Variants in TRPM3 observed in about 807,000 individuals in gnomAD.
The protein encoded by TRPM3 is transient receptor potential cation channel subfamily M member 3.
Under a neutral mutation model 181.2 loss-of-function variants are expected in TRPM3, and 77 were observed. The observed-to-expected ratio is 0.42, with a 90% CI of 0.35 to 0.51. The LOEUF (loss-of-function observed/expected upper bound fraction) is 0.51. Ranked by LOEUF, TRPM3 falls within the 20% of genes least tolerant of loss-of-function variation. The probability of loss-of-function intolerance (pLI) is 0.01; values close to 1 mark genes in which losing one functional copy is unlikely to be tolerated. For missense variants in TRPM3, 1,759 were observed against 2,196.7 expected (o/e 0.80, Z 3.98); for synonymous variants, 745 against 796.4 (o/e 0.94, Z 1.09).
chr9:71,181,476 C>T (rs1317250051), intron 1 of TRPM3, among the ~76,000 whole-genome samples: 1 of 151,058 alleles, frequency 6.6e-6, no homozygotes, highest in Non-Finnish European at 1.5e-5. Context: ...AAAAATAAAG[C>T]AGCAAATAGG....
chr9:70,796,670 A>G (rs2087118684), intron 6 of TRPM3, among the ~76,000 whole-genome samples: 1 of 152,258 alleles, frequency 6.6e-6, no homozygotes, highest in Non-Finnish European at 1.5e-5. Context: ...TAGCTTTTGA[A>G]GTTTTATCAC....
At chr9:71,143,196 T>C (rs1346393745) in intron 1 of TRPM3, among the ~76,000 whole-genome samples, 1 of 152,078 alleles carries the variant, frequency 6.6e-6, no homozygotes, top group Non-Finnish European at 1.5e-5. Flanking sequence ...TAAATATTTT[T>C]TCTTTTAACT....
chr9:70,857,444 A>T (rs10868916), intron 3 of TRPM3, among the ~76,000 whole-genome samples: 5 of 151,848 alleles, frequency 3.3e-5, no homozygotes, highest in African/African-American at 1.2e-4. Context: ...GTTTACGAAG[A>T]CCCCTTCCTG....
At position 71,112,504 on chromosome 9, in the gene TRPM3, C is replaced by T. The variant is rs559979166; in HGVS notation, c.177+8674G>A. Among the ~76,000 whole-genome samples the T allele has an allele frequency of 2.2e-4, 34 of 152,192 alleles. No individual in the cohort carries two copies. The East Asian group carries it at 5.8e-3, about 26-fold the overall frequency. On this transcript the variant is annotated intron_variant, in intron 1 of 25. Transcript: ENST00000677713. ...TCTCAAGGTCAAGGTATTCTTTAAT[C>T]ACAAAAAAATTACCAAGACCCTATA... is the stretch of plus-strand genomic sequence containing the variant.
At chr9:71,257,928 G>T (rs561793215) in intron 1 of TRPM3, among the ~76,000 whole-genome samples, 4 of 152,246 alleles carry the variant, frequency 2.6e-5, no homozygotes, top group African/African-American at 9.6e-5. Flanking sequence ...CAAAATGGGG[G>T]AACGGAGGTA....
At chr9:71,440,255 C>A (rs950997961) in intron 1 of TRPM3, among the ~76,000 whole-genome samples, 5 of 152,052 alleles carry the variant, frequency 3.3e-5, no homozygotes, top group Non-Finnish European at 1.5e-5. Flanking sequence ...TATAATTCAC[C>A]CAAGGCTACA....
intron 8 of TRPM3, among the ~76,000 whole-genome samples, chr9:70,757,858 C>A (rs908549978): frequency 6.6e-6 from 1 of 152,134 alleles, no homozygotes; most frequent in Non-Finnish European, 1.5e-5. Flanking sequence ...TTATGACAAA[C>A]CCACAGCCAA....
At chr9:70,872,990 G>T (rs2095814014) in intron 1 of TRPM3, among the ~76,000 whole-genome samples, 1 of 151,874 alleles carries the variant, frequency 6.6e-6, no homozygotes, top group South Asian at 2.1e-4. Flanking sequence ...AATACACAAG[G>T]AATGGCTAAA....
At chr9:70,555,561 G>A (rs759038371) in intron 22 of TRPM3, among the ~76,000 whole-genome samples, 27 of 152,178 alleles carry the variant, frequency 1.8e-4, no homozygotes, top group Non-Finnish European at 3.5e-4. Flanking sequence ...ACCTCCGCAG[G>A]CCTACTTGTG....
At chr9:70,608,125 C>T (rs1019196084) in intron 19 of TRPM3, among the ~76,000 whole-genome samples, 10 of 152,234 alleles carry the variant, frequency 6.6e-5, no homozygotes, top group African/African-American at 2.4e-4. Context: ...TTCTGTACCT[C>T]ACTTCCGTTT....
At chr9:71,007,751 C>T (rs2097695207) in intron 1 of TRPM3, among the ~76,000 whole-genome samples, 1 of 151,946 alleles carries the variant, frequency 6.6e-6, no homozygotes, top group Non-Finnish European at 1.5e-5. Context: ...ATGAACACAG[C>T]AAATGAAAAT....
intron 7 of TRPM3, among the ~76,000 whole-genome samples, chr9:70,769,470 T>C (rs539065196): frequency 2.0e-5 from 3 of 152,188 alleles, no homozygotes; most frequent in Admixed American, 6.6e-5. Flanking sequence ...ATATTGCACG[T>C]TTCTGAGCTT....
At chr9:70,811,047 TAG>T (rs1233788879) in intron 6 of TRPM3, 2 of 736,408 alleles carry the variant, frequency 2.7e-6, no homozygotes, top group South Asian at 1.8e-5. Flanking sequence ...TCAGAAGAGA[TAG>T]AGATAAAACA....
chr9:70,967,709 T>C (rs796380864), intron 1 of TRPM3, among the ~76,000 whole-genome samples: 17 of 152,232 alleles, frequency 1.1e-4, no homozygotes, highest in African/African-American at 3.9e-4. Flanking sequence ...CTCAACAATT[T>C]CTTTTTAGCC....
intron 5 of TRPM3, among the ~76,000 whole-genome samples, chr9:70,836,146 T>A (rs2094305490): frequency 6.6e-6 from 1 of 152,184 alleles, no homozygotes. Flanking sequence ...CTTCCACATG[T>A]GTACTCTCTC....
At chr9:71,149,765 G>C (rs2075627586) in intron 1 of TRPM3, among the ~76,000 whole-genome samples, 1 of 152,058 alleles carries the variant, frequency 6.6e-6, no homozygotes, top group Non-Finnish European at 1.5e-5. Flanking sequence ...CTGGAGCCCA[G>C]GAAGTTGAGA....
At chr9:71,145,163 C>T (rs2075335213) in intron 1 of TRPM3, among the ~76,000 whole-genome samples, 1 of 152,120 alleles carries the variant, frequency 6.6e-6, no homozygotes, top group Middle Eastern at 3.4e-3. Flanking sequence ...TAATGAAGAG[C>T]AAAGAGTCAA....
chr9:71,073,874 C>G, intron 1 of TRPM3, among the ~76,000 whole-genome samples: 1 of 152,094 alleles, frequency 6.6e-6, no homozygotes, highest in East Asian at 1.9e-4. Context: ...TTTTATTTCC[C>G]TGGGTAGTTA....
chr9:71,038,467 CCT>C (rs951399867), intron 1 of TRPM3, among the ~76,000 whole-genome samples: 9 of 151,472 alleles, frequency 5.9e-5, no homozygotes, highest in Admixed American at 5.3e-4. Context: ...TTGTTTCTTC[CCT>C]CTCTTCCTTT....
Sources: gnomAD v4.1 joint callset for allele counts (sites outside exome capture counted in the v4.1 genomes callset) on GRCh38, gnomAD v4.1.1 for gene constraint, MANE v1.5 for transcripts, NCBI Gene and HGNC (gene_info 2026-07-23, HGNC 2026-07-21) for gene names.